KIF3C: variants seen among roughly 807,000 people sequenced by gnomAD.
KIF3C encodes the protein kinesin family member 3C.
KIF3C carries 12 observed loss-of-function variants against 67.7 expected under a neutral mutation model. The observed-to-expected ratio is 0.18, with a 90% CI of 0.11 to 0.29. The LOEUF (loss-of-function observed/expected upper bound fraction) is 0.29. Ranked by LOEUF, KIF3C falls within the 10% of genes least tolerant of loss-of-function variation. The probability of loss-of-function intolerance (pLI) is 1.00; values close to 1 mark genes in which losing one functional copy is unlikely to be tolerated. For missense variants in KIF3C, 789 were observed against 1,059.6 expected (o/e 0.74, Z 3.55); for synonymous variants, 393 against 426.2 (o/e 0.92, Z 0.96).
At chr2:25,953,383 CAG>C (rs1663691543) in intron 4 of KIF3C, among the ~76,000 whole-genome samples, 1 of 150,506 alleles carries the variant, frequency 6.6e-6, no homozygotes, top group African/African-American at 2.4e-5. Flanking sequence ...TTTTTTGAGA[CAG>C]AGTCTTGCTC....
intron 1 of KIF3C, among the ~76,000 whole-genome samples, chr2:25,975,344 T>C (rs1664386400): frequency 6.6e-6 from 1 of 152,102 alleles, no homozygotes; most frequent in Admixed American, 6.6e-5. Context: ...GTATTTTTTG[T>C]CAAGACAGGG....
chr2:25,933,474 C>T lies in KIF3C; in HGVS notation c.2007-3411G>A, dbSNP rs192269506. On this transcript the variant is annotated intron_variant, in intron 5 of 7. Coordinates refer to ENST00000264712, the MANE Select transcript of KIF3C (RefSeq NM_002254.8). ...TCCCTTGAGCCCAGAAATTTGAGTC[C>T]AGCCTGGGCAACATAGCAAGACCCT... Among the ~76,000 whole-genome samples, 56 of 151,948 alleles carry T rather than the reference C, an allele frequency of 3.7e-4. No individual in the cohort carries two copies. In the East Asian group the frequency reaches 5.8e-3, roughly 16 times the overall value.
intron 5 of KIF3C, among the ~76,000 whole-genome samples, chr2:25,932,900 G>C (rs2090474197): frequency 2.6e-5 from 4 of 151,520 alleles, no homozygotes; most frequent in Admixed American, 2.0e-4. Context: ...CAAAGCTATA[G>C]TAACCAAGAT....
At chr2:25,942,232 C>A (rs560129973) in intron 5 of KIF3C, among the ~76,000 whole-genome samples, 1 of 151,052 alleles carries the variant, frequency 6.6e-6, no homozygotes. Context: ...GTGGCACATG[C>A]CTATAATCCC....
At chr2:25,938,256 A>C in intron 5 of KIF3C, 1 of 451,610 alleles carries the variant, frequency 2.2e-6, no homozygotes, top group Non-Finnish European at 4.4e-6. Flanking sequence ...GCTACTGAGG[A>C]GGTTACTCAG....
intron 1 of KIF3C, 80 bp from the exon 2 acceptor site, chr2:25,956,524 C>A: frequency 9.6e-7 from 1 of 1,042,378 alleles, no homozygotes; most frequent in East Asian, 2.4e-5. Flanking sequence ...TGCTTCCCTG[C>A]TCTGTGGTCC....
chr2:25,936,546 T>C (rs1663135013), intron 5 of KIF3C, among the ~76,000 whole-genome samples: 1 of 152,234 alleles, frequency 6.6e-6, no homozygotes, highest in African/African-American at 2.4e-5. Flanking sequence ...ACAGGAAATA[T>C]GTATCTGTAT....
intron 1 of KIF3C, among the ~76,000 whole-genome samples, chr2:25,977,796 T>C (rs570295294): frequency 1.3e-5 from 2 of 152,296 alleles, no homozygotes; most frequent in South Asian, 4.1e-4. Context: ...CTCAAATTGT[T>C]TCCACCAGCC....
rs1664613233 is a variant in KIF3C at position 25,982,110 on chromosome 2, C to G, written c.-193G>C. The G allele has an allele frequency of 1.9e-6, 1 of 534,666 alleles. No individual in the cohort carries two copies. The highest frequency in any genetic ancestry group is 1.9e-5 in the African/African-American group (1 of 52,026). 33.1% of individuals were successfully genotyped at this position (534,666 alleles called of 1,614,324 possible). On this transcript the variant is annotated 5_prime_UTR_variant, in exon 1 of 8. Transcript: ENST00000264712. ...CTGCAGTCCGGGCCTCCACCGCTCT[C>G]CGGTCCTCTCTGCACCGGCTGGGAG... is the stretch of plus-strand genomic sequence containing the variant.
chr2:25,967,720 G>A (rs959447108), intron 1 of KIF3C, among the ~76,000 whole-genome samples: 3 of 152,188 alleles, frequency 2.0e-5, no homozygotes, highest in Non-Finnish European at 4.4e-5. Flanking sequence ...CATCTACTTG[G>A]GAAGCTGAGA....
chr2:25,932,806 C>T (rs1368695761), intron 5 of KIF3C, among the ~76,000 whole-genome samples: 2 of 151,756 alleles, frequency 1.3e-5, no homozygotes, highest in African/African-American at 4.8e-5. Context: ...GCACTCCAGC[C>T]TGGGTGACAG....
chr2:25,953,693 C>T (rs1663715596), intron 4 of KIF3C, among the ~76,000 whole-genome samples: 1 of 122,748 alleles, frequency 8.1e-6, no homozygotes, highest in South Asian at 2.6e-4. Context: ...TTTTTTGAGA[C>T]GTTGTCTCGC....
chr2:25,977,721 C>T (rs755296983), intron 1 of KIF3C, among the ~76,000 whole-genome samples: 8 of 152,152 alleles, frequency 5.3e-5, no homozygotes, highest in Admixed American at 1.3e-4. Context: ...GGGAAATAGG[C>T]AGGACTGGGG....
At chr2:25,941,485 A>G (rs976558863) in intron 5 of KIF3C, among the ~76,000 whole-genome samples, 8 of 151,530 alleles carry the variant, frequency 5.3e-5, no homozygotes, top group Non-Finnish European at 8.8e-5. Context: ...TCCCAGGCTG[A>G]GGTGGGTGAA....
chr2:25,959,345 A>G (rs990139002), intron 1 of KIF3C, among the ~76,000 whole-genome samples: 2 of 152,140 alleles, frequency 1.3e-5, no homozygotes, highest in Non-Finnish European at 1.5e-5. Flanking sequence ...CAGCAGTCAT[A>G]TCTTACTCAT....
At chr2:25,975,026 C>CAAAAAAAAA (rs1196962529) in intron 1 of KIF3C, among the ~76,000 whole-genome samples, 1 of 116,520 alleles carries the variant, frequency 8.6e-6, no homozygotes. Flanking sequence ...AACTCCATCT[C>CAAAAAAAAA]AAAAAAAAAA....
chr2:25,936,020 G>C (rs1663106294), intron 5 of KIF3C, among the ~76,000 whole-genome samples: 1 of 151,690 alleles, frequency 6.6e-6, no homozygotes, highest in Non-Finnish European at 1.5e-5. Context: ...CCGGGAGGCG[G>C]AGGTTGTAGT....
intron 5 of KIF3C, among the ~76,000 whole-genome samples, chr2:25,931,943 T>G (rs1371687867): frequency 6.6e-6 from 1 of 151,480 alleles, no homozygotes; most frequent in Non-Finnish European, 1.5e-5. Context: ...TGTTTTTTTT[T>G]TTTTTGAGTC....
intron 5 of KIF3C, among the ~76,000 whole-genome samples, chr2:25,943,875 A>G (rs1383867023): frequency 6.6e-6 from 1 of 152,168 alleles, no homozygotes; most frequent in African/African-American, 2.4e-5. Context: ...AAAAAAAAAA[A>G]AAATCCTAGA....
Sources: allele counts gnomAD v4.1 joint callset (sites outside exome capture counted in the v4.1 genomes callset), GRCh38; gene constraint gnomAD v4.1.1; transcripts MANE v1.5; gene names NCBI Gene and HGNC (gene_info 2026-07-23, HGNC 2026-07-21).